CELF2: variants seen among roughly 807,000 people sequenced by gnomAD.
CELF2 encodes CUG triplet repeat RNA-binding protein 2.
In CELF2, 8 loss-of-function variants were observed where a neutral mutation model predicts 62.6. That is an observed-to-expected ratio of 0.13 (90% CI 0.07 to 0.23). The LOEUF (loss-of-function observed/expected upper bound fraction) is 0.23, where lower values mean the gene tolerates loss of function less well. Among genes scored for constraint, CELF2 ranks in the 10% least tolerant of loss-of-function variants. The probability of loss-of-function intolerance (pLI) is 1.00; values close to 1 mark genes in which losing one functional copy is unlikely to be tolerated. For synonymous variants in CELF2, 258 were observed against 250.0 expected (o/e 1.03, Z -0.30); for missense variants, 333 against 671.0 (o/e 0.50, Z 5.56).
At chr10:11,266,770 A>T in intron 6 of CELF2, 93 bp downstream of exon 6, 1 of 914,952 alleles carries the variant, frequency 1.1e-6, no homozygotes, top group South Asian at 1.7e-5. Flanking sequence ...TCACATGACA[A>T]TCACAGATGT....
intron 1 of CELF2, among the ~76,000 whole-genome samples, chr10:11,049,331 G>T (rs1375396448): frequency 6.6e-6 from 1 of 150,886 alleles, no homozygotes; most frequent in South Asian, 2.1e-4. Flanking sequence ...AGATTATTAC[G>T]GTGTGGTCCA....
the CELF2 span, among the ~76,000 whole-genome samples, chr10:10,739,300 T>G: frequency 6.6e-6 from 1 of 152,210 alleles, no homozygotes; most frequent in Non-Finnish European, 1.5e-5. Flanking sequence ...ATTATTTACA[T>G]AATAAAATTT....
rs193051804 is a variant in CELF2 at position 11,083,305 on chromosome 10, G to A, written c.74+65142G>A. Reference sequence around the variant, plus strand: ...CCAACTGGTGAATTCCTAATAATAGGAAACAAATGTGTATTTCAGCTTCTT... The same window carrying A: ...CCAACTGGTGAATTCCTAATAATAGAAAACAAATGTGTATTTCAGCTTCTT... On this transcript the variant is annotated intron_variant, in intron 1 of 12. Transcript: ENST00000633077. Among the ~76,000 whole-genome samples, 429 of 152,298 alleles carry A rather than the reference G, an allele frequency of 2.8e-3. 2 individuals are homozygous for A. Among genetic ancestry groups the A allele is most frequent in the African/African-American group, 9.7e-3 (405 of 41,556 alleles).
rs112503593 is a variant in CELF2 at position 10,902,337 on chromosome 10, A to G, written c.54-17627A>G. 4.0e-3 allele frequency among the ~76,000 whole-genome samples: 611 copies of G among 152,316 alleles called. 4 individuals are homozygous for G. The highest frequency in any genetic ancestry group is 6.5e-3 in the Non-Finnish European group (444 of 68,022). The stretch of plus-strand genomic sequence containing the variant: ...TGTAAGAGCCAAAAAAATGGAAACA[A>G]CCCACATGTTCCTCAAGAAAAATAT... On this transcript the variant is annotated intron_variant, in intron 1 of 13. Transcript: ENST00000636488.
At chr10:10,788,596 GGGA>G in the CELF2 span, among the ~76,000 whole-genome samples, 1 of 151,006 alleles carries the variant, frequency 6.6e-6, no homozygotes, top group East Asian at 2.0e-4. Flanking sequence ...CCAAGTAGCT[GGGA>G]TCACAGGCGT....
intron 1 of CELF2, among the ~76,000 whole-genome samples, chr10:10,871,082 C>T (rs2060716813): frequency 6.6e-6 from 1 of 152,068 alleles, no homozygotes; most frequent in African/African-American, 2.4e-5. Context: ...TAATTTATTC[C>T]CTGGGAGGAC....
At chr10:10,544,902 C>T in the CELF2 span, among the ~76,000 whole-genome samples, 1 of 152,170 alleles carries the variant, frequency 6.6e-6, no homozygotes, top group Non-Finnish European at 1.5e-5. Context: ...AAAATAAACT[C>T]AGTAGTCTTT....
At chr10:10,647,941 G>GA in the CELF2 span, among the ~76,000 whole-genome samples, 2 of 152,166 alleles carry the variant, frequency 1.3e-5, no homozygotes, top group Non-Finnish European at 2.9e-5. Context: ...TTACGGGAGA[G>GA]AAAAGCACCT....
chr10:10,685,641 CAGG>C, the CELF2 span, among the ~76,000 whole-genome samples: 1 of 152,122 alleles, frequency 6.6e-6, no homozygotes, highest in Non-Finnish European at 1.5e-5. Context: ...CCTAAAAATT[CAGG>C]AGATGTTCTT....
the CELF2 span, among the ~76,000 whole-genome samples, chr10:10,567,016 C>G: frequency 5.9e-3 from 894 of 152,222 alleles, 13 homozygotes; most frequent in African/African-American, 0.021. Context: ...AAGTATTGCT[C>G]ACATCTGCCG....
At position 11,269,204 on chromosome 10, in the gene CELF2, AG is replaced by A. The variant is rs1182488207; in HGVS notation, c.619-1461del. Among the ~76,000 whole-genome samples, 9 of 152,338 alleles carry A rather than the reference AG, an allele frequency of 5.9e-5. No individual in the cohort carries two copies. The highest frequency in any genetic ancestry group is 1.9e-4 in the African/African-American group (8 of 41,574). The stretch of plus-strand genomic sequence containing the variant: ...ACAGATACAGAAAAAAATGAATTAC[AG>A]ATTTTTTTAAATGATGGAAATACTA... On this transcript the variant is annotated intron_variant, in intron 6 of 12. Coordinates refer to ENST00000633077, the MANE Select transcript of CELF2 (RefSeq NM_001326342.2). This position sits in a 1 kb window ranked among gnomAD's most constrained non-coding sequence, Gnocchi z 4.4.
chr10:11,144,348 G>A (rs1006036754), intron 1 of CELF2, among the ~76,000 whole-genome samples: 1 of 152,118 alleles, frequency 6.6e-6, no homozygotes, highest in Admixed American at 6.5e-5. Context: ...TTAGCCATGG[G>A]ATATAAAGTC....
At chr10:10,470,592 C>G in the CELF2 span, among the ~76,000 whole-genome samples, 1 of 151,752 alleles carries the variant, frequency 6.6e-6, no homozygotes, top group African/African-American at 2.4e-5. Context: ...TCTTCAAAGG[C>G]AGGAATACTG....
intron 1 of CELF2, among the ~76,000 whole-genome samples, chr10:11,084,466 G>T (rs1248115736): frequency 6.6e-6 from 1 of 152,188 alleles, no homozygotes; most frequent in Non-Finnish European, 1.5e-5. Flanking sequence ...GGGGTGCTGA[G>T]TGGTGAATGT....
the CELF2 span, among the ~76,000 whole-genome samples, chr10:10,743,032 G>A: frequency 6.6e-6 from 1 of 152,178 alleles, no homozygotes; most frequent in Non-Finnish European, 1.5e-5. Flanking sequence ...AACACTTTCT[G>A]AGCACCTACT....
chr10:10,569,601 C>A, the CELF2 span, among the ~76,000 whole-genome samples: 7 of 152,096 alleles, frequency 4.6e-5, no homozygotes, highest in South Asian at 8.3e-4. Context: ...ATGTGTGTAT[C>A]AGTTGGGTTG....
the CELF2 span, among the ~76,000 whole-genome samples, chr10:10,581,834 C>T: frequency 6.6e-6 from 1 of 152,088 alleles, no homozygotes; most frequent in Non-Finnish European, 1.5e-5. Flanking sequence ...TTGAGAACAG[C>T]CTGGCCAACA....
chr10:11,284,186 AGTGC>A (rs1270995479), intron 8 of CELF2, among the ~76,000 whole-genome samples: 1 of 103,372 alleles, frequency 9.7e-6, no homozygotes, highest in Non-Finnish European at 1.9e-5. Flanking sequence ...ATGAGGGATG[AGTGC>A]GTGGTGGGTG....
At chr10:10,999,530 G>T (rs1273409651) in intron 2 of CELF2, among the ~76,000 whole-genome samples, 1 of 152,208 alleles carries the variant, frequency 6.6e-6, no homozygotes, top group Non-Finnish European at 1.5e-5. Flanking sequence ...GAGCCCAGGA[G>T]TTCAAGGCTG....
Sources: gnomAD v4.1 joint callset for allele counts (sites outside exome capture counted in the v4.1 genomes callset) on GRCh38, gnomAD v4.1.1 for gene constraint, Gnocchi (gnomAD v3.1) non-coding constraint, MANE v1.5 for transcripts, NCBI Gene and HGNC (gene_info 2026-07-23, HGNC 2026-07-21) for gene names.